PHACTR3: variants seen among roughly 807,000 people sequenced by gnomAD.
PHACTR3 encodes protein phosphatase 1, regulatory subunit 123.
PHACTR3 carries 16 observed loss-of-function variants against 66.8 expected under a neutral mutation model. That is an observed-to-expected ratio of 0.24 (90% CI 0.16 to 0.36). The LOEUF (loss-of-function observed/expected upper bound fraction) is 0.36, where lower values mean the gene tolerates loss of function less well. Among genes scored for constraint, PHACTR3 ranks in the 10% least tolerant of loss-of-function variants. The pLI is 1.00. For missense variants in PHACTR3, 647 were observed against 719.9 expected, an observed-to-expected ratio of 0.90 and a Z score of 1.16; for synonymous variants, 323 against 292.1, an observed-to-expected ratio of 1.11 and a Z score of -1.08.
At chr20:59,607,924 G>A (rs1181924109) in intron 1 of PHACTR3, among the ~76,000 whole-genome samples, 1 of 152,166 alleles carries the variant, frequency 6.6e-6, no homozygotes, top group Non-Finnish European at 1.5e-5. Flanking sequence ...GGCACAAACT[G>A]CCTTGTACTC....
At chr20:59,713,745 C>CTTT (rs962777834) in intron 1 of PHACTR3, among the ~76,000 whole-genome samples, 1 of 143,964 alleles carries the variant, frequency 6.9e-6, no homozygotes. Context: ...TTGTCTTTTG[C>CTTT]TTTTTTTTTT....
intron 1 of PHACTR3, among the ~76,000 whole-genome samples, chr20:59,716,310 G>A (rs996873231): frequency 2.0e-5 from 3 of 150,234 alleles, no homozygotes; most frequent in South Asian, 4.2e-4. Context: ...GCAGTGGTGC[G>A]ATCTCGATCT....
In PHACTR3 at chr20:59,829,292, C is replaced by T. The variant is rs2042279316; in HGVS notation, c.1329-7213C>T. Among the ~76,000 whole-genome samples the T allele has an allele frequency of 6.6e-6, 1 of 152,190 alleles. No homozygotes were observed. Among genetic ancestry groups the T allele is most frequent in the South Asian group, 2.1e-4 (1 of 4,830 alleles). ...CTGAGCCCTCAGTCGGCAGAACATC[C>T]CTGCTTGCTGTTTCCTAGTGTGGAC... On this transcript the variant is annotated intron_variant, in intron 8 of 12. Coordinates refer to ENST00000371015, the MANE Select transcript of PHACTR3 (RefSeq NM_080672.5). This position sits in a 1 kb window ranked among gnomAD's most constrained non-coding sequence, Gnocchi z 4.2.
chr20:59,657,395 C>T (rs1475485133), intron 1 of PHACTR3, among the ~76,000 whole-genome samples: 1 of 151,848 alleles, frequency 6.6e-6, no homozygotes, highest in South Asian at 2.1e-4. Context: ...ACTGGAGCTC[C>T]TTGTTTTGTG....
At chr20:59,729,279 C>T (rs1296361760) in intron 1 of PHACTR3, among the ~76,000 whole-genome samples, 1 of 152,116 alleles carries the variant, frequency 6.6e-6, no homozygotes, top group African/African-American at 2.4e-5. Flanking sequence ...TCACATTGTC[C>T]TGAGTGACCA....
intron 4 of PHACTR3, among the ~76,000 whole-genome samples, chr20:59,757,935 A>G (rs771736889): frequency 5.9e-5 from 9 of 152,130 alleles, no homozygotes; most frequent in Non-Finnish European, 1.3e-4. Flanking sequence ...ACACCACTGC[A>G]CTCCAGTCTG....
chr20:59,841,153 G>A (rs2059052601), intron 10 of PHACTR3, among the ~76,000 whole-genome samples: 1 of 152,160 alleles, frequency 6.6e-6, no homozygotes, highest in Non-Finnish European at 1.5e-5. Context: ...CTGGTGCTAT[G>A]TACTACTGGG....
intron 8 of PHACTR3, among the ~76,000 whole-genome samples, chr20:59,813,172 G>A (rs1367293807): frequency 1.3e-5 from 2 of 152,098 alleles, no homozygotes; most frequent in African/African-American, 2.4e-5. Context: ...TATGGTGTGG[G>A]TGCTGCACAC....
At chr20:59,694,973 G>A (rs1040797) in intron 1 of PHACTR3, among the ~76,000 whole-genome samples, 9,092 of 152,056 alleles carry the variant, frequency 0.06, 852 homozygotes, top group African/African-American at 0.2. Context: ...AGAAACTTCA[G>A]AACAAGTGGA....
intron 1 of PHACTR3, among the ~76,000 whole-genome samples, chr20:59,671,204 C>T (rs2036185941): frequency 6.6e-6 from 1 of 152,182 alleles, no homozygotes; most frequent in African/African-American, 2.4e-5. Flanking sequence ...CTTCCTTGGG[C>T]CTTGGTGAAG....
chr20:59,662,475 C>T (rs1429176423), intron 1 of PHACTR3, among the ~76,000 whole-genome samples: 1 of 151,972 alleles, frequency 6.6e-6, no homozygotes, highest in Non-Finnish European at 1.5e-5. Context: ...GATGTATGGA[C>T]CAACGAAAGG....
chr20:59,814,137 G>A (rs1292368975), intron 8 of PHACTR3, among the ~76,000 whole-genome samples: 2 of 152,178 alleles, frequency 1.3e-5, no homozygotes, highest in Non-Finnish European at 2.9e-5. Context: ...GCTCCCTGGG[G>A]GTCAGGAGCG....
At position 59,845,272 on chromosome 20, in the gene PHACTR3, T is replaced by G. The variant is rs1323489288; in HGVS notation, c.1664+7T>G. 3 of 1,590,730 alleles carry G rather than the reference T, an allele frequency of 1.9e-6. No individual in the cohort carries two copies. Among genetic ancestry groups the G allele is most frequent in the Non-Finnish European group, 1.7e-6 (2 of 1,160,432 alleles). On this transcript the variant is annotated splice_region_variant and intron_variant, in intron 12 of 12. Transcript: ENST00000371015. ...CAAGCAAGCACTTGACAAGGTCAGA[T>G]TTGTTTCTGTGAATTTCATGGTACT...
intron 1 of PHACTR3, among the ~76,000 whole-genome samples, chr20:59,638,817 G>GATGT: frequency 6.7e-6 from 1 of 149,640 alleles, no homozygotes; most frequent in South Asian, 2.2e-4. Flanking sequence ...TGGACGAATG[G>GATGT]ATGGGTAGAT....
intron 1 of PHACTR3, among the ~76,000 whole-genome samples, chr20:59,732,429 T>C (rs748031890): frequency 2.0e-5 from 3 of 152,198 alleles, no homozygotes; most frequent in African/African-American, 7.2e-5. Flanking sequence ...TGGCCTCCCT[T>C]TGGGCATTAA....
intron 1 of PHACTR3, among the ~76,000 whole-genome samples, chr20:59,708,149 T>A (rs2037779924): frequency 6.6e-6 from 1 of 152,018 alleles, no homozygotes; most frequent in Non-Finnish European, 1.5e-5. Context: ...GTCACTGGGG[T>A]GACAGATGGG....
chr20:59,814,591 C>T (rs1161111288), intron 8 of PHACTR3, among the ~76,000 whole-genome samples: 1 of 152,078 alleles, frequency 6.6e-6, no homozygotes, highest in Non-Finnish European at 1.5e-5. Context: ...TATTCAGAGC[C>T]CGTCGTGGTG....
intron 12 of PHACTR3, 79 bp downstream of exon 12, chr20:59,845,344 A>G: frequency 2.2e-6 from 2 of 893,442 alleles, no homozygotes; most frequent in Non-Finnish European, 3.6e-6. Flanking sequence ...GCCACAAACC[A>G]TGTATCCAGC....
At chr20:59,586,906 GTC>G (rs972519894) in intron 1 of PHACTR3, among the ~76,000 whole-genome samples, 1 of 152,248 alleles carries the variant, frequency 6.6e-6, no homozygotes, top group Non-Finnish European at 1.5e-5. Flanking sequence ...AGCCTGGACA[GTC>G]TGCTGGATTC....
Sources: allele counts gnomAD v4.1 joint callset (sites outside exome capture counted in the v4.1 genomes callset), GRCh38; gene constraint gnomAD v4.1.1; non-coding constraint Gnocchi (gnomAD v3.1); transcripts MANE v1.5; gene names NCBI Gene and HGNC (gene_info 2026-07-23, HGNC 2026-07-21).